DUSP16: variants seen among roughly 807,000 people sequenced by gnomAD.
The protein encoded by DUSP16 is dual specificity protein phosphatase 16.
Under a neutral mutation model 58.3 loss-of-function variants are expected in DUSP16, and 21 were observed. The ratio of observed to expected loss-of-function variants is 0.36; its 90% CI spans 0.26 to 0.52. The LOEUF is 0.52. Among genes scored for constraint, DUSP16 ranks in the 20% least tolerant of loss-of-function variants. The probability of loss-of-function intolerance (pLI) is 0.94; values close to 1 mark genes in which losing one functional copy is unlikely to be tolerated. For missense variants in DUSP16, 726 were observed against 819.0 expected (o/e 0.89, Z 1.39); for synonymous variants, 320 against 323.8 (o/e 0.99, Z 0.12).
At chr12:12,496,479 A>T (rs1176925728) in intron 4 of DUSP16, among the ~76,000 whole-genome samples, 1 of 152,216 alleles carries the variant, frequency 6.6e-6, no homozygotes. Context: ...GAAGCTATAC[A>T]AAAAATGTTG....
At chr12:12,557,604 T>G (rs907705797) in intron 1 of DUSP16, among the ~76,000 whole-genome samples, 1 of 152,218 alleles carries the variant, frequency 6.6e-6, no homozygotes, top group Middle Eastern at 3.2e-3. Flanking sequence ...CACATGAATA[T>G]TAAAAAGTTA....
intron 3 of DUSP16, among the ~76,000 whole-genome samples, chr12:12,504,237 TGTG>T (rs1943951655): frequency 6.6e-6 from 1 of 152,240 alleles, no homozygotes; most frequent in Admixed American, 6.5e-5. Flanking sequence ...TAAATTTTAA[TGTG>T]GTGTCTATTA....
Position 12,498,399 on chromosome 12 carries a change from ATTAT to A in DUSP16, c.531+2116_531+2119del, listed in dbSNP as rs145777045. Among the ~76,000 whole-genome samples, 200 of 146,758 alleles carry A rather than the reference ATTAT, an allele frequency of 1.4e-3. 1 individual carries two copies. Among genetic ancestry groups the A allele is most frequent in the East Asian group, 0.013 (61 of 4,586 alleles). On this transcript the variant is annotated intron_variant, in intron 4 of 6. Transcript: ENST00000298573. ...CATGCATTTCTTTATTTTATTTTTT[ATTAT>A]TTATTTATTTATTTATTTATTTATT...
chr12:12,557,953 C>A (rs1944833951), intron 1 of DUSP16, among the ~76,000 whole-genome samples: 1 of 152,232 alleles, frequency 6.6e-6, no homozygotes, highest in Non-Finnish European at 1.5e-5. Context: ...GTTAACCAAT[C>A]TTTAAGGCCA....
At chr12:12,530,980 G>A (rs1229753270) in intron 1 of DUSP16, among the ~76,000 whole-genome samples, 1 of 152,026 alleles carries the variant, frequency 6.6e-6, no homozygotes, top group East Asian at 1.9e-4. Flanking sequence ...ATATTGAAGG[G>A]GTTGATAACA....
intron 1 of DUSP16, among the ~76,000 whole-genome samples, chr12:12,521,719 A>C (rs1478483625): frequency 6.6e-6 from 1 of 152,248 alleles, no homozygotes; most frequent in Non-Finnish European, 1.5e-5. Context: ...CATGAATTAT[A>C]ATCACCTAGG....
At chr12:12,533,228 A>G (rs901344263) in intron 1 of DUSP16, among the ~76,000 whole-genome samples, 1 of 152,210 alleles carries the variant, frequency 6.6e-6, no homozygotes, top group African/African-American at 2.4e-5. Context: ...TATATTCACT[A>G]ATACTTGTAA....
At chr12:12,503,376 C>A (rs1943940064) in intron 3 of DUSP16, among the ~76,000 whole-genome samples, 1 of 152,014 alleles carries the variant, frequency 6.6e-6, no homozygotes, top group Non-Finnish European at 1.5e-5. Context: ...CAGGCGCATG[C>A]CACCACATTT....
chr12:12,487,437 A>C (rs1943701356), intron 4 of DUSP16, among the ~76,000 whole-genome samples: 1 of 152,214 alleles, frequency 6.6e-6, no homozygotes, highest in Admixed American at 6.5e-5. Flanking sequence ...CATATAGTCA[A>C]GTCTCTATTA....
rs996598693 is a variant in DUSP16 at position 12,476,904 on chromosome 12, G to A, written c.1927C>T (p.Arg643Trp). ...GESIMSENRS[R>W]EELGKVGSQS... ...CTGCCCACTTTCCCCAGCTCTTCCC[G>A]TGACCTGTTCTCTGACATGATGCTC... is the stretch of plus-strand genomic sequence containing the variant. Residue 643 changes from arginine (R) to tryptophan (W), a missense_variant, in exon 7 of 7, where the codon CGG becomes TGG. Arg to Trp is a moderately radical substitution (Grantham distance 101, BLOSUM62 -3). Transcript: ENST00000298573. The A allele has an allele frequency of 1.4e-5, 23 of 1,613,516 alleles. No homozygotes were observed. The highest frequency in any genetic ancestry group is 3.3e-4 in the Middle Eastern group (2 of 6,084).
At position 12,521,223 on chromosome 12, in the gene DUSP16, T is replaced by C. The variant is rs529531363; in HGVS notation, c.-125A>G. On this transcript the variant is annotated 5_prime_UTR_variant, in exon 2 of 7. Coordinates refer to ENST00000298573, the MANE Select transcript of DUSP16 (RefSeq NM_030640.3). ...TGTATGAGGTCAGGCTGGTGGTGAC[T>C]GGCAAAAGGAGAGTTAAACCCATTT... 2.0e-5 allele frequency: 30 copies of C among 1,475,018 alleles called. No homozygotes were observed. The East Asian group carries it at 6.9e-4, about 34-fold the overall frequency. The allele number at this position is 1,475,018 out of a possible 1,614,324, so 91.4% of individuals were successfully genotyped here.
intron 3 of DUSP16, among the ~76,000 whole-genome samples, chr12:12,505,010 GT>G (rs1028315436): frequency 6.6e-6 from 1 of 152,226 alleles, no homozygotes; most frequent in Non-Finnish European, 1.5e-5. Flanking sequence ...AATAATGTAT[GT>G]AATCCTAGAA....
At chr12:12,508,464 G>A (rs899621484) in intron 3 of DUSP16, among the ~76,000 whole-genome samples, 3 of 152,214 alleles carry the variant, frequency 2.0e-5, no homozygotes, top group African/African-American at 7.2e-5. Flanking sequence ...TAGGAAGGTA[G>A]AGAGCATAGC....
chr12:12,521,457 T>G lies in DUSP16; in HGVS notation c.-359A>C. ...GCGCTCCAACAGCTTTACACTGGAC[T>G]GAAAGCCTACGCGGAGAGAGAAAGA... is the stretch of plus-strand genomic sequence containing the variant. On this transcript the variant is annotated 5_prime_UTR_variant, in exon 2 of 7. Transcript: ENST00000298573. The G allele has an allele frequency of 3.6e-6, 4 of 1,096,232 alleles. No individual in the cohort carries two copies. Among genetic ancestry groups the G allele is most frequent in the Non-Finnish European group, 4.5e-6 (4 of 897,016 alleles). 67.9% of individuals were successfully genotyped at this position (1,096,232 alleles called of 1,614,324 possible).
At chr12:12,535,354 T>G (rs1216866168) in intron 1 of DUSP16, among the ~76,000 whole-genome samples, 1 of 152,244 alleles carries the variant, frequency 6.6e-6, no homozygotes, top group East Asian at 1.9e-4. Context: ...GAAAAAAATT[T>G]TTTTTTACAA....
chr12:12,479,022 A>G (rs1002940605), intron 6 of DUSP16, among the ~76,000 whole-genome samples: 5 of 152,148 alleles, frequency 3.3e-5, no homozygotes, highest in Non-Finnish European at 5.9e-5. Flanking sequence ...CCAAAATCAC[A>G]CAGCTACTAA....
intron 1 of DUSP16, among the ~76,000 whole-genome samples, chr12:12,551,553 G>A (rs573196425): frequency 2.0e-5 from 3 of 149,424 alleles, no homozygotes; most frequent in South Asian, 2.2e-4. Context: ...ACTTGAATTC[G>A]CCACCAAGAT....
chr12:12,488,805 G>A (rs1023984611), intron 4 of DUSP16, among the ~76,000 whole-genome samples: 11 of 152,134 alleles, frequency 7.2e-5, no homozygotes, highest in Admixed American at 2.6e-4. Flanking sequence ...GCAGCCGGGC[G>A]CAGTGACTCA....
intron 1 of DUSP16, chr12:12,554,429 A>G (rs1031829226): frequency 6.6e-6 from 1 of 152,094 alleles, no homozygotes; most frequent in African/African-American, 2.4e-5. Flanking sequence ...ATTTTATTGC[A>G]TTTAATTTCT....
Sources: allele counts gnomAD v4.1 joint callset (sites outside exome capture counted in the v4.1 genomes callset), GRCh38; gene constraint gnomAD v4.1.1; transcripts MANE v1.5; gene names NCBI Gene and HGNC (gene_info 2026-07-23, HGNC 2026-07-21).